GAS2: variants seen among roughly 807,000 people sequenced by gnomAD.
GAS2 encodes growth arrest-specific protein 2.
In GAS2, 20 loss-of-function variants were observed where a neutral mutation model predicts 37.5. That is an observed-to-expected ratio of 0.53 (90% CI 0.37 to 0.77). The LOEUF is 0.77. Among genes scored for constraint, GAS2 ranks in the 30% least tolerant of loss-of-function variants. The pLI, the probability that GAS2 is intolerant of heterozygous loss-of-function variation, is 0.00. For missense variants in GAS2, 336 were observed against 373.4 expected (o/e 0.90, Z 0.82); for synonymous variants, 144 against 132.2 (o/e 1.09, Z -0.61).
chr11:22,741,836 A>G (rs1032520323), intron 5 of GAS2, among the ~76,000 whole-genome samples: 1 of 152,168 alleles, frequency 6.6e-6, no homozygotes, highest in Non-Finnish European at 1.5e-5. Flanking sequence ...TCTTGCAGGA[A>G]TCTATAAACT....
At chr11:22,672,163 C>T (rs1849232096) in intron 1 of GAS2, among the ~76,000 whole-genome samples, 1 of 152,120 alleles carries the variant, frequency 6.6e-6, no homozygotes, top group South Asian at 2.1e-4. Context: ...TCTCTCACCT[C>T]TGTCTCCTGG....
intron 3 of GAS2, among the ~76,000 whole-genome samples, chr11:22,704,988 C>T (rs964503704): frequency 6.6e-6 from 1 of 152,000 alleles, no homozygotes; most frequent in African/African-American, 2.4e-5. Flanking sequence ...GTATTTACTT[C>T]GTGTCATTCA....
chr11:22,674,972 C>G lies in GAS2; in HGVS notation c.103C>G (p.Pro35Ala), dbSNP rs774918567. The G allele has an allele frequency of 7.4e-6, 12 of 1,613,764 alleles. No individual in the cohort carries two copies. Among genetic ancestry groups the G allele is most frequent in the African/African-American group, 1.3e-5 (1 of 74,890 alleles). Residue 35 changes from proline to alanine, a missense_variant, in exon 2 of 8, where the codon CCA becomes GCA. Coordinates refer to ENST00000454584, the MANE Select transcript of GAS2 (RefSeq NM_001143830.3). ...CAGCAGACATGAAGCTAATTTGCTA[C>G]CAATGAAAGAAGATCTGGCCTTGTG... ...LASRHEANLL[P>A]MKEDLALWLT... is the part of the protein sequence containing the mutation.
chr11:22,743,486 TA>T, intron 5 of GAS2, among the ~76,000 whole-genome samples: 1 of 152,172 alleles, frequency 6.6e-6, no homozygotes. Flanking sequence ...ACATAGAAAT[TA>T]GAATTTCCAT....
intron 7 of GAS2, among the ~76,000 whole-genome samples, chr11:22,805,066 G>T (rs1856823258): frequency 6.6e-6 from 1 of 151,916 alleles, no homozygotes; most frequent in South Asian, 2.1e-4. Context: ...TGGGAGTTTG[G>T]TTTATGGAGA....
At chr11:22,740,042 A>C (rs763755064) in intron 5 of GAS2, among the ~76,000 whole-genome samples, 1 of 152,186 alleles carries the variant, frequency 6.6e-6, no homozygotes, top group Non-Finnish European at 1.5e-5. Context: ...TAGCCAAGTC[A>C]TCAAAGAAGA....
At chr11:22,646,159 T>G (rs337502) in intron 1 of GAS2, among the ~76,000 whole-genome samples, 1,986 of 152,284 alleles carry the variant, frequency 0.013, 43 homozygotes, top group African/African-American at 0.042. Context: ...TTGGTTTTCC[T>G]GTCTTCTGCT....
upstream of GAS2, chr11:22,666,602 A>G (rs931368488): frequency 6.6e-5 from 10 of 152,200 alleles, no homozygotes; most frequent in African/African-American, 2.4e-4. Flanking sequence ...GCGTCCACCA[A>G]AAAAAGTAAG....
chr11:22,723,031 C>T (rs150822522), intron 3 of GAS2, among the ~76,000 whole-genome samples: 12 of 151,854 alleles, frequency 7.9e-5, no homozygotes, highest in East Asian at 1.9e-4. Context: ...TTTCTAGTTA[C>T]GTGTGATAGA....
chr11:22,644,596 A>G (rs1019765991), intron 1 of GAS2, among the ~76,000 whole-genome samples: 2 of 152,178 alleles, frequency 1.3e-5, no homozygotes, highest in African/African-American at 4.8e-5. Flanking sequence ...AGATACGTTG[A>G]GTGAAAGCTC....
At chr11:22,632,400 C>A (rs337480) in intron 1 of GAS2, among the ~76,000 whole-genome samples, 3 of 152,032 alleles carry the variant, frequency 2.0e-5, no homozygotes, top group African/African-American at 7.3e-5. Context: ...GCTTATAAGG[C>A]TTCTGCTGAG....
At chr11:22,745,574 A>G (rs930513882) in intron 5 of GAS2, among the ~76,000 whole-genome samples, 1 of 152,186 alleles carries the variant, frequency 6.6e-6, no homozygotes, top group Admixed American at 6.6e-5. Flanking sequence ...AAGCAATTGC[A>G]ACGAAAACAA....
intron 1 of GAS2, among the ~76,000 whole-genome samples, chr11:22,632,318 T>C (rs1037004968): frequency 6.6e-6 from 1 of 152,190 alleles, no homozygotes; most frequent in Non-Finnish European, 1.5e-5. Flanking sequence ...AACTTAGCTT[T>C]ACTGGATACA....
At chr11:22,647,769 T>C (rs2133826239) in intron 1 of GAS2, among the ~76,000 whole-genome samples, 1 of 152,224 alleles carries the variant, frequency 6.6e-6, no homozygotes, top group Admixed American at 6.5e-5. Flanking sequence ...TTGATGGGGT[T>C]GTTTGTTTTT....
At chr11:22,647,523 G>C (rs1271061067) in intron 1 of GAS2, among the ~76,000 whole-genome samples, 1 of 152,032 alleles carries the variant, frequency 6.6e-6, no homozygotes, top group African/African-American at 2.4e-5. Context: ...GGTTGAACTA[G>C]TTTACAGTCC....
intron 5 of GAS2, among the ~76,000 whole-genome samples, chr11:22,741,869 G>C (rs112338394): frequency 2.6e-5 from 4 of 152,190 alleles, no homozygotes; most frequent in African/African-American, 9.6e-5. Context: ...CCTTAAAAAG[G>C]ACAGTTTCTC....
chr11:22,664,088 T>C (rs57941048), upstream of GAS2, among the ~76,000 whole-genome samples: 795 of 152,298 alleles, frequency 5.2e-3, 7 homozygotes, highest in African/African-American at 0.018. Context: ...TCTTTTGTCA[T>C]TTTTAACTGC....
At chr11:22,789,474 T>C (rs1856026579) in intron 7 of GAS2, among the ~76,000 whole-genome samples, 2 of 92,626 alleles carry the variant, frequency 2.2e-5, no homozygotes, top group African/African-American at 7.4e-5. Flanking sequence ...TTTTTTTTTT[T>C]TTTTTGAGGC....
At chr11:22,651,883 A>G (rs908492329) in intron 1 of GAS2, among the ~76,000 whole-genome samples, 1 of 152,130 alleles carries the variant, frequency 6.6e-6, no homozygotes, top group Non-Finnish European at 1.5e-5. Flanking sequence ...CACAGCTCGG[A>G]GTAATTTGAT....
Sources: gnomAD v4.1 joint callset for allele counts (sites outside exome capture counted in the v4.1 genomes callset) on GRCh38, gnomAD v4.1.1 for gene constraint, MANE v1.5 for transcripts, NCBI Gene and HGNC (gene_info 2026-07-23, HGNC 2026-07-21) for gene names.